Variants in TTC28 observed in about 807,000 individuals in gnomAD.
TTC28 encodes tetratricopeptide repeat protein 28.
TTC28 carries 61 observed loss-of-function variants against 198.0 expected under a neutral mutation model. The observed-to-expected ratio is 0.31, with a 90% CI of 0.25 to 0.38. The LOEUF (loss-of-function observed/expected upper bound fraction) is 0.38. TTC28 is among the 10% of genes least tolerant of loss of function. TTC28 has a pLI of 1.00. For synonymous variants in TTC28, 1,171 were observed against 1,297.8 expected, an observed-to-expected ratio of 0.90 and a Z score of 2.10; for missense variants, 2,678 against 3,164.0, an observed-to-expected ratio of 0.85 and a Z score of 3.69.
At chr22:28,580,286 T>A (rs2050216813) in intron 2 of TTC28, among the ~76,000 whole-genome samples, 1 of 152,228 alleles carries the variant, frequency 6.6e-6, no homozygotes. Flanking sequence ...CCATACCATC[T>A]TTTACTATCT....
intron 5 of TTC28, among the ~76,000 whole-genome samples, chr22:28,167,105 G>T (rs542057860): frequency 3.6e-4 from 54 of 152,014 alleles, no homozygotes; most frequent in Admixed American, 1.6e-3. Flanking sequence ...ACATACACCC[G>T]CCCAAGACTA....
intron 2 of TTC28, among the ~76,000 whole-genome samples, chr22:28,564,474 T>C (rs2146004387): frequency 6.6e-6 from 1 of 152,318 alleles, no homozygotes. Context: ...AATTTGGTTT[T>C]ATTTCAATTT....
chr22:28,232,196 G>A (rs555832176), intron 5 of TTC28, among the ~76,000 whole-genome samples: 25 of 152,278 alleles, frequency 1.6e-4, no homozygotes, highest in Non-Finnish European at 3.1e-4. Flanking sequence ...AGTCAGGTGT[G>A]GGCATCTGAC....
intron 2 of TTC28, among the ~76,000 whole-genome samples, chr22:28,413,157 C>T (rs1304413990): frequency 1.3e-5 from 2 of 152,128 alleles, no homozygotes; most frequent in African/African-American, 2.4e-5. Flanking sequence ...TCGTCTCAGC[C>T]GGGCGCGGTG....
In TTC28 at chr22:28,636,127, A is replaced by ATTTTTTTTTTT. The variant is rs71316851; in HGVS notation, c.103-6308_103-6298dup. 6.1e-5 allele frequency among the ~76,000 whole-genome samples: 4 copies of ATTTTTTTTTTT among 65,736 alleles called. 1 individual carries two copies. The highest frequency in any genetic ancestry group is 1.3e-4 in the African/African-American group (2 of 15,442). 43.1% of individuals were successfully genotyped at this position (65,736 alleles called of 152,430 possible). The stretch of plus-strand genomic sequence containing the variant: ...CATCCATATTGTTGCAAATGTCAGG[A>ATTTTTTTTTTT]TTTTTTTTTTTTTTTTTTTTTTTTT... On this transcript the variant is annotated intron_variant, in intron 1 of 22. Transcript: ENST00000397906.
intron 2 of TTC28, among the ~76,000 whole-genome samples, chr22:28,355,854 T>C (rs2046069980): frequency 6.6e-6 from 1 of 152,172 alleles, no homozygotes; most frequent in Non-Finnish European, 1.5e-5. Flanking sequence ...AACAACGAAT[T>C]GTGTGGCCTT....
chr22:28,095,681 T>G (rs571112456), intron 11 of TTC28, among the ~76,000 whole-genome samples: 1 of 152,358 alleles, frequency 6.6e-6, no homozygotes, highest in Middle Eastern at 3.4e-3. Flanking sequence ...AGATTTTTAC[T>G]TCTGAAATAG....
chr22:28,273,529 T>C (rs1389156648), intron 5 of TTC28, among the ~76,000 whole-genome samples: 6 of 151,440 alleles, frequency 4.0e-5, no homozygotes, highest in Non-Finnish European at 7.4e-5. Flanking sequence ...ATCTAGAATA[T>C]AGGATAGTAA....
At chr22:28,253,605 G>A (rs1348908768) in intron 5 of TTC28, among the ~76,000 whole-genome samples, 1 of 152,136 alleles carries the variant, frequency 6.6e-6, no homozygotes, top group Non-Finnish European at 1.5e-5. Flanking sequence ...AATGAAAAAT[G>A]ATGACTTAAC....
intron 2 of TTC28, among the ~76,000 whole-genome samples, chr22:28,540,949 T>C (rs1429390925): frequency 2.0e-5 from 3 of 152,174 alleles, no homozygotes; most frequent in Non-Finnish European, 4.4e-5. Context: ...CCTGATTCCA[T>C]TACCATAAAA....
chr22:28,147,418 C>T (rs1383464589), intron 6 of TTC28, among the ~76,000 whole-genome samples: 4 of 152,046 alleles, frequency 2.6e-5, no homozygotes, highest in East Asian at 1.9e-4. Context: ...GATGAGTGAA[C>T]GAGGATGAAA....
chr22:28,148,255 A>G (rs1328192943), intron 6 of TTC28, among the ~76,000 whole-genome samples: 2 of 152,190 alleles, frequency 1.3e-5, no homozygotes, highest in Non-Finnish European at 1.5e-5. Flanking sequence ...AAACCTAATC[A>G]CTGCCTGCTA....
intron 5 of TTC28, among the ~76,000 whole-genome samples, chr22:28,212,504 C>T (rs963145735): frequency 1.5e-5 from 2 of 134,230 alleles, no homozygotes; most frequent in Admixed American, 8.8e-5. Flanking sequence ...AACACCTCTA[C>T]GGAAATAAAC....
At chr22:28,065,965 T>A (rs544954984) in intron 12 of TTC28, among the ~76,000 whole-genome samples, 1 of 152,322 alleles carries the variant, frequency 6.6e-6, no homozygotes, top group Non-Finnish European at 1.5e-5. Context: ...CTTATAGCAT[T>A]TGCTGGACCA....
In TTC28 at chr22:28,172,460, G is replaced by A. The variant is rs181499055; in HGVS notation, c.934-8861C>T. ...TCAGGGCAGGCACAACACCCCAGGC[G>A]TCGCTGTTCTCAGGAACTTCTGGTT... On this transcript the variant is annotated intron_variant, in intron 5 of 22. Coordinates refer to ENST00000397906, the MANE Select transcript of TTC28 (RefSeq NM_001145418.2). Among the ~76,000 whole-genome samples, 995 of 152,284 alleles carry A rather than the reference G, an allele frequency of 6.5e-3. 5 individuals carry two copies. Among genetic ancestry groups the A allele is most frequent in the Non-Finnish European group, 9.7e-3 (661 of 68,020 alleles).
intron 2 of TTC28, among the ~76,000 whole-genome samples, chr22:28,512,690 C>T (rs1317258465): frequency 1.3e-5 from 2 of 152,192 alleles, no homozygotes; most frequent in Non-Finnish European, 1.5e-5. Flanking sequence ...AAACCAAACA[C>T]TGCACATCTC....
intron 2 of TTC28, among the ~76,000 whole-genome samples, chr22:28,329,631 C>A (rs1041644309): frequency 1.3e-5 from 2 of 152,196 alleles, no homozygotes; most frequent in Non-Finnish European, 2.9e-5. Context: ...CACTTTAATG[C>A]TGAAATGTTC....
At chr22:28,283,060 T>C (rs967091855) in intron 5 of TTC28, among the ~76,000 whole-genome samples, 6 of 152,180 alleles carry the variant, frequency 3.9e-5, no homozygotes, top group South Asian at 2.1e-4. Context: ...AATCAAGAAA[T>C]TGATGTCCTG....
At chr22:28,200,476 A>G (rs1925827156) in intron 5 of TTC28, among the ~76,000 whole-genome samples, 1 of 152,166 alleles carries the variant, frequency 6.6e-6, no homozygotes, top group Admixed American at 6.5e-5. Context: ...AATGGCCCCA[A>G]AAGAATAAAT....
Sources: allele counts gnomAD v4.1 joint callset (sites outside exome capture counted in the v4.1 genomes callset), GRCh38; gene constraint gnomAD v4.1.1; transcripts MANE v1.5; gene names NCBI Gene and HGNC (gene_info 2026-07-23, HGNC 2026-07-21).